DNAH10: variants seen among roughly 807,000 people sequenced by gnomAD.
DNAH10 encodes the protein dynein axonemal heavy chain 10.
DNAH10 carries 348 observed loss-of-function variants against 506.6 expected under a neutral mutation model. The observed-to-expected ratio is 0.69, with a 90% CI of 0.63 to 0.75. The LOEUF is 0.75. Among genes scored for constraint, DNAH10 ranks in the 30% least tolerant of loss-of-function variants. The pLI, the probability that DNAH10 is intolerant of heterozygous loss-of-function variation, is 0.00. For synonymous variants in DNAH10, 2,059 were observed against 2,198.6 expected (o/e 0.94, Z 1.78); for missense variants, 5,179 against 5,787.1 (o/e 0.89, Z 3.41).
In DNAH10 at chr12:123,873,723, T is replaced by A. The variant is rs781684850; in HGVS notation, c.7938+13T>A. The A allele has an allele frequency of 5.0e-6, 8 of 1,598,346 alleles. No homozygotes were observed. Among genetic ancestry groups the A allele is most frequent in the Non-Finnish European group, 6.8e-6 (8 of 1,172,108 alleles). The stretch of plus-strand genomic sequence containing the variant: ...GAATATGCCAAGGGTAGTTTGACGC[T>A]CAAGCAGGTGGAGGGATGGGTCAAG... On this transcript the variant is annotated intron_variant, in intron 46 of 78. Coordinates refer to ENST00000673944, the MANE Select transcript of DNAH10 (RefSeq NM_001372106.1).
rs1957890308 is a variant in DNAH10 at position 123,787,256 on chromosome 12, A to C, written c.1422-548A>C. On this transcript the variant is annotated intron_variant, in intron 9 of 78. Coordinates refer to ENST00000673944, the MANE Select transcript of DNAH10 (RefSeq NM_001372106.1). The surrounding 1 kb of genome is among the most constrained non-coding windows in gnomAD (Gnocchi z 4.6). Reference sequence around the variant, plus strand: ...TATGTCTATATCCATCTATACAGATAGGTATCTATGTCTATCTATGTATAT... The same window carrying C: ...TATGTCTATATCCATCTATACAGATCGGTATCTATGTCTATCTATGTATAT... 6.6e-6 allele frequency among the ~76,000 whole-genome samples: 1 copy of C among 152,216 alleles called. No homozygotes were observed. Among genetic ancestry groups the C allele is most frequent in the Non-Finnish European group, 1.5e-5 (1 of 68,030 alleles).
At chr12:123,857,414 C>T (rs1220229022) in intron 37 of DNAH10, among the ~76,000 whole-genome samples, 167 bp downstream of exon 37, 2 of 152,188 alleles carry the variant, frequency 1.3e-5, no homozygotes, top group African/African-American at 4.8e-5. Context: ...ACAATATTTA[C>T]CATCTTACCT....
chr12:123,783,954 G>T lies in DNAH10; in HGVS notation c.1007G>T (p.Gly336Val). 6.2e-7 allele frequency: 1 copy of T among 1,614,106 alleles called. No homozygotes were observed. Among genetic ancestry groups the T allele is most frequent in the Non-Finnish European group, 8.5e-7 (1 of 1,179,944 alleles). The change falls in exon 8 of 79, where the codon GGC (glycine) becomes GTC (valine). Residue 336 changes from glycine (G) to valine (V), a missense_variant. Physicochemically the swap from Gly to Val is moderately radical, Grantham distance 109. This residue lies in a region of DNAH10 where 4,844 missense variants were observed against 5,430.5 expected (regional missense o/e 0.89). Coordinates refer to ENST00000673944, the MANE Select transcript of DNAH10 (RefSeq NM_001372106.1). Reference sequence around the variant, plus strand: ...GTTCATTTCACCTCTCAGGGTAAAGGCCCTCTGGCTGAAATTGAATTCTGG... The same window carrying T: ...GTTCATTTCACCTCTCAGGGTAAAGTCCCTCTGGCTGAAATTGAATTCTGG... Reference protein sequence around the residue: ...AQLKKTPQGKGPLAEIEFWRE... With the variant: ...AQLKKTPQGKVPLAEIEFWRE...
At chr12:123,871,888 C>G (rs924972111) in intron 45 of DNAH10, among the ~76,000 whole-genome samples, 3 of 152,224 alleles carry the variant, frequency 2.0e-5, no homozygotes, top group African/African-American at 7.2e-5. Context: ...GTGGCTCTCT[C>G]CATGGATGGC....
In DNAH10 at chr12:123,846,071, G is replaced by A. The variant is rs781449604; in HGVS notation, c.5731G>A (p.Gly1911Ser). ...CATCCGCCAGTGCACGGGAACCTTT[G>A]GCTACGGCTACGAGTACATGGGCCT... is the stretch of plus-strand genomic sequence containing the variant. ...LNIRQCTGTF[G>S]YGYEYMGLNG... is the part of the protein sequence containing the mutation. Residue 1911 changes from glycine to serine, a missense_variant, in exon 32 of 79, where the codon GGC becomes AGC. Physicochemically the swap from Gly to Ser is moderately conservative, Grantham distance 56. Transcript: ENST00000673944. This position sits in a 1 kb window ranked among gnomAD's most constrained non-coding sequence, Gnocchi z 4.5. 2 of 1,613,962 alleles carry A rather than the reference G, an allele frequency of 1.2e-6. No individual in the cohort carries two copies. Among genetic ancestry groups the A allele is most frequent in the Non-Finnish European group, 1.7e-6 (2 of 1,179,898 alleles).
At chr12:123,819,646 G>C (rs1289695896) in intron 23 of DNAH10, among the ~76,000 whole-genome samples, 1 of 150,168 alleles carries the variant, frequency 6.7e-6, no homozygotes, top group Non-Finnish European at 1.5e-5. Context: ...CTTGTCCTCT[G>C]CCCTTCACAT....
Position 123,790,260 on chromosome 12 carries a change from A to G in DNAH10, c.1815+139A>G, listed in dbSNP as rs1212804155. On this transcript the variant is annotated intron_variant, in intron 11 of 78. Coordinates refer to ENST00000673944, the MANE Select transcript of DNAH10 (RefSeq NM_001372106.1). ...ACCTGCTTATTAATTATAAAAAACAAAAACAATGCAGAAGTGCATAAGGTA... is the reference window on the plus strand; with the variant it reads ...ACCTGCTTATTAATTATAAAAAACAGAAACAATGCAGAAGTGCATAAGGTA... 5.8e-6 allele frequency: 5 copies of G among 855,522 alleles called. No homozygotes were observed. The African/African-American group carries it at 8.5e-5, about 15-fold the overall frequency. The allele number at this position is 855,522 out of a possible 1,614,324, so 53.0% of individuals were successfully genotyped here.
chr12:123,850,756 G>A lies in DNAH10; in HGVS notation c.6103-132G>A. On this transcript the variant is annotated intron_variant, in intron 34 of 78. Transcript: ENST00000673944. The surrounding 1 kb of genome is among the most constrained non-coding windows in gnomAD (Gnocchi z 5.5). ...GCATTGAACACCGGGGAGGGAAAAAGAGACAAGTGGTGTTGTCAGCCTCAT... is the reference window on the plus strand; with the variant it reads ...GCATTGAACACCGGGGAGGGAAAAAAAGACAAGTGGTGTTGTCAGCCTCAT... 1.1e-6 allele frequency: 1 copy of A among 949,060 alleles called. No individual in the cohort carries two copies. Among genetic ancestry groups the A allele is most frequent in the Non-Finnish European group, 1.5e-6 (1 of 658,852 alleles). 58.8% of individuals were successfully genotyped at this position (949,060 alleles called of 1,614,324 possible). A position where few individuals can be genotyped will look rare whatever the true frequency, so the allele number is the denominator to read the frequency against.
chr12:123,850,746 G>T lies in DNAH10; in HGVS notation c.6103-142G>T, dbSNP rs7967563. 5,887 of 884,204 alleles carry T rather than the reference G, an allele frequency of 6.7e-3. 225 individuals are homozygous for T. The African/African-American group carries it at 0.088, about 13-fold the overall frequency. 54.8% of individuals were successfully genotyped at this position (884,204 alleles called of 1,614,324 possible). ...GGGGGGCCCTGCATTGAACACCGGGGAGGGAAAAAGAGACAAGTGGTGTTG... is the reference window on the plus strand; with the variant it reads ...GGGGGGCCCTGCATTGAACACCGGGTAGGGAAAAAGAGACAAGTGGTGTTG... On this transcript the variant is annotated intron_variant, in intron 34 of 78. Coordinates refer to ENST00000673944, the MANE Select transcript of DNAH10 (RefSeq NM_001372106.1). This position sits in a 1 kb window ranked among gnomAD's most constrained non-coding sequence, Gnocchi z 5.5.
At chr12:123,852,184 A>C (rs1951200825) in intron 35 of DNAH10, among the ~76,000 whole-genome samples, 1 of 152,216 alleles carries the variant, frequency 6.6e-6, no homozygotes, top group African/African-American at 2.4e-5. Flanking sequence ...ACCTGGAGAC[A>C]TGTAGTATGG....
chr12:123,888,870 C>T (rs1952854384), intron 52 of DNAH10, among the ~76,000 whole-genome samples: 2 of 152,176 alleles, frequency 1.3e-5, no homozygotes, highest in Non-Finnish European at 2.9e-5. Context: ...TGCAAAGATC[C>T]GTGCTGACTT....
chr12:123,852,380 C>T (rs914703229), intron 35 of DNAH10, among the ~76,000 whole-genome samples: 78 of 152,334 alleles, frequency 5.1e-4, no homozygotes, highest in Middle Eastern at 3.4e-3. Flanking sequence ...AGGGTTGTCA[C>T]ATTGCGTTTC....
At chr12:123,923,952 A>G in intron 66 of DNAH10, 85 bp downstream of exon 66, 1 of 1,063,950 alleles carries the variant, frequency 9.4e-7, no homozygotes, top group Admixed American at 2.9e-5. Flanking sequence ...AACAAACAAT[A>G]ACAAAAATTC....
intron 77 of DNAH10, 164 bp from the exon 78 acceptor site, chr12:123,934,457 G>C: frequency 1.2e-6 from 1 of 857,604 alleles, no homozygotes; most frequent in Non-Finnish European, 1.9e-6. Flanking sequence ...CAGAGGGAAG[G>C]TGGGCAGGAC....
In DNAH10 at chr12:123,840,646, G is replaced by A. The variant is rs185391660; in HGVS notation, c.5137-676G>A. On this transcript the variant is annotated intron_variant, in intron 29 of 78. Transcript: ENST00000673944. ...GTTAGGAATACTTCATTTACTGTTC[G>A]CCTCTTTTGCAAACCTCTGTTTTTA... 1.9e-4 allele frequency among the ~76,000 whole-genome samples: 29 copies of A among 152,036 alleles called. 1 individual carries two copies. The highest frequency in any genetic ancestry group is 5.3e-4 in the African/African-American group (22 of 41,470).
chr12:123,917,515 C>T lies in DNAH10; in HGVS notation c.11003-69C>T, dbSNP rs1954534021. 6.8e-7 allele frequency: 1 copy of T among 1,478,052 alleles called. No homozygotes were observed. The highest frequency in any genetic ancestry group is 9.2e-7 in the Non-Finnish European group (1 of 1,089,926). 91.6% of individuals were successfully genotyped at this position (1,478,052 alleles called of 1,614,324 possible). A position where few individuals can be genotyped will look rare whatever the true frequency, so the allele number is the denominator to read the frequency against. On this transcript the variant is annotated intron_variant, in intron 63 of 78. Coordinates refer to ENST00000673944, the MANE Select transcript of DNAH10 (RefSeq NM_001372106.1). This position sits in a 1 kb window ranked among gnomAD's most constrained non-coding sequence, Gnocchi z 5.6. ...GACCCGCGCTAAGCTTGTCCCGTCA[C>T]AGCAGGGCAGCGGGAGAGACTGTTG...
chr12:123,779,199 G>A lies in DNAH10; in HGVS notation c.622-1881G>A, dbSNP rs564252128. ...ATTACAGGTGTGAGCCACCGTGCCC[G>A]GCCTAATTTTTTTCTTTTAATTGTA... On this transcript the variant is annotated intron_variant, in intron 5 of 78. Coordinates refer to ENST00000673944, the MANE Select transcript of DNAH10 (RefSeq NM_001372106.1). Among the ~76,000 whole-genome samples, 79 of 150,880 alleles carry A rather than the reference G, an allele frequency of 5.2e-4. 1 individual carries two copies. Among genetic ancestry groups the A allele is most frequent in the African/African-American group, 1.9e-3 (76 of 40,522 alleles).
At chr12:123,882,037 G>A (rs1046630742) in intron 51 of DNAH10, 1 of 404,640 alleles carries the variant, frequency 2.5e-6, no homozygotes, top group Admixed American at 4.4e-5. Flanking sequence ...CTTTGGCTTA[G>A]GATAGGGTTA....
At position 123,837,061 on chromosome 12, in the gene DNAH10, C is replaced by G. The variant is rs1302091339; in HGVS notation, c.4903-1395C>G. ...AGAGACGGGGTTTCACCGTGTTAGC[C>G]AGGATGGTCTCAATCTCCTGACCTC... On this transcript the variant is annotated intron_variant, in intron 28 of 78. Coordinates refer to ENST00000673944, the MANE Select transcript of DNAH10 (RefSeq NM_001372106.1). Among the ~76,000 whole-genome samples, 3 of 150,916 alleles carry G rather than the reference C, an allele frequency of 2.0e-5. No individual in the cohort carries two copies. In the East Asian group the frequency reaches 5.9e-4, roughly 29 times the overall value.
Sources: allele counts gnomAD v4.1 joint callset (sites outside exome capture counted in the v4.1 genomes callset), GRCh38; gene constraint gnomAD v4.1.1; regional missense constraint gnomAD v4.1.1; non-coding constraint Gnocchi (gnomAD v3.1); transcripts MANE v1.5; gene names NCBI Gene and HGNC (gene_info 2026-07-23, HGNC 2026-07-21).